Variants in ZNF445 observed in about 807,000 individuals in gnomAD.
The protein encoded by ZNF445 is zinc finger protein 445.
A neutral mutation model predicts 93.9 loss-of-function variants in ZNF445; 19 were observed. The observed-to-expected ratio is 0.20, with a 90% CI of 0.14 to 0.30. ZNF445 has a LOEUF of 0.30. Among genes scored for constraint, ZNF445 ranks in the 10% least tolerant of loss-of-function variants. ZNF445 has a pLI of 1.00. For missense variants in ZNF445, 1,058 were observed against 1,259.4 expected (o/e 0.84, Z 2.42); for synonymous variants, 449 against 446.3 (o/e 1.01, Z -0.08).
intron 7 of ZNF445, among the ~76,000 whole-genome samples, 177 bp downstream of exon 7, chr3:44,449,336 C>T (rs1235188260): frequency 6.6e-6 from 1 of 152,102 alleles, no homozygotes; most frequent in African/African-American, 2.4e-5. Flanking sequence ...AAATGAATGA[C>T]CTCTCGGAGG....
chr3:44,457,255 G>A (rs1698041300), intron 2 of ZNF445, among the ~76,000 whole-genome samples: 1 of 152,026 alleles, frequency 6.6e-6, no homozygotes, highest in African/African-American at 2.4e-5. Flanking sequence ...CCACACCTGT[G>A]ATACACCCAA....
chr3:44,444,592 G>T lies in ZNF445; in HGVS notation c.*1983C>A. 6.6e-6 allele frequency: 1 copy of T among 152,368 alleles called. No homozygotes were observed. Among genetic ancestry groups the T allele is most frequent in the Non-Finnish European group, 1.5e-5 (1 of 68,100 alleles). The allele number at this position is 152,368 out of a possible 1,614,324, so 9.4% of individuals were successfully genotyped here. Reference sequence around the variant, plus strand: ...AGTGAAGGGACATCTTCAGTGCCATGAACAGCTGCTGCCGTAGGAAGGCAA... The same window carrying T: ...AGTGAAGGGACATCTTCAGTGCCATTAACAGCTGCTGCCGTAGGAAGGCAA... On this transcript the variant is annotated 3_prime_UTR_variant, in exon 8 of 8. Transcript: ENST00000396077.
chr3:44,471,337 T>A (rs184534933), intron 1 of ZNF445, among the ~76,000 whole-genome samples: 1 of 152,210 alleles, frequency 6.6e-6, no homozygotes, highest in Non-Finnish European at 1.5e-5. Flanking sequence ...TGCCCATAAA[T>A]AGCCACTGAA....
At chr3:44,454,263 G>A (rs1177822782) in intron 3 of ZNF445, among the ~76,000 whole-genome samples, 3 of 151,582 alleles carry the variant, frequency 2.0e-5, no homozygotes, top group Middle Eastern at 3.5e-3. Flanking sequence ...CCTGCAGAGC[G>A]CTCTTCTGAG....
Position 44,473,492 on chromosome 3 carries a change from A to ACACACACACACACAC in ZNF445, c.-269+4098_-269+4099insGTGTGTGTGTGTGTG, listed in dbSNP as rs1559400839. Reference sequence around the variant, plus strand: ...ACACACACACACACACACACACACAAAAAATGCTTTCAGTATATATTTAAA... The same window carrying ACACACACACACACAC: ...ACACACACACACACACACACACACAACACACACACACACACAAAATGCTTTCAGTATATATTTAAA... On this transcript the variant is annotated intron_variant, in intron 1 of 7. Transcript: ENST00000396077. Among the ~76,000 whole-genome samples the ACACACACACACACAC allele has an allele frequency of 2.6e-3, 228 of 89,122 alleles. 3 individuals carry two copies. The highest frequency in any genetic ancestry group is 6.7e-3 in the Middle Eastern group (1 of 150). 58.5% of individuals were successfully genotyped at this position (89,122 alleles called of 152,430 possible).
At chr3:44,463,322 C>A (rs546655315) in intron 1 of ZNF445, among the ~76,000 whole-genome samples, 14 of 152,196 alleles carry the variant, frequency 9.2e-5, no homozygotes, top group African/African-American at 3.1e-4. Flanking sequence ...AGGTGTGAGC[C>A]ACTGAGCCCA....
chr3:44,470,460 G>T (rs1249384745), intron 1 of ZNF445, among the ~76,000 whole-genome samples: 2 of 152,134 alleles, frequency 1.3e-5, no homozygotes, highest in African/African-American at 4.8e-5. Flanking sequence ...ACTGGTGGTG[G>T]GGGTAGGAAG....
In ZNF445 at chr3:44,473,476, CACACACACACACACAA is replaced by C. The variant is rs1039762355; in HGVS notation, c.-269+4099_-269+4114del. 3.1e-4 allele frequency among the ~76,000 whole-genome samples: 39 copies of C among 127,144 alleles called. 1 individual carries two copies. The highest frequency in any genetic ancestry group is 9.4e-4 in the African/African-American group (35 of 37,106). The allele number at this position is 127,144 out of a possible 152,430, so 83.4% of individuals were successfully genotyped here. A position where few individuals can be genotyped will look rare whatever the true frequency, so the allele number is the denominator to read the frequency against. On this transcript the variant is annotated intron_variant, in intron 1 of 7. Transcript: ENST00000396077. ...CTTCACACACACACACACACACACACACACACACACACACAAAAAATGCTTTCAGTATATATTTAAA... is the reference window on the plus strand; with the variant it reads ...CTTCACACACACACACACACACACACAAAATGCTTTCAGTATATATTTAAA...
At chr3:44,467,890 T>C (rs1471102894) in intron 1 of ZNF445, among the ~76,000 whole-genome samples, 1 of 152,170 alleles carries the variant, frequency 6.6e-6, no homozygotes, top group Non-Finnish European at 1.5e-5. Flanking sequence ...TTAAACAAAA[T>C]TCTAAATTCT....
intron 1 of ZNF445, among the ~76,000 whole-genome samples, chr3:44,475,006 G>A (rs1431756254): frequency 6.6e-6 from 1 of 152,012 alleles, no homozygotes; most frequent in Non-Finnish European, 1.5e-5. Flanking sequence ...GCTAAGGAGG[G>A]ATAATTGTTC....
intron 3 of ZNF445, 38 bp from the exon 4 acceptor site, chr3:44,451,520 G>A (rs1198788851): frequency 6.3e-7 from 1 of 1,579,482 alleles, no homozygotes; most frequent in Non-Finnish European, 8.7e-7. Context: ...ATCTTTCTGG[G>A]AATCAGAAAG....
In ZNF445 at chr3:44,446,755, G is replaced by A; in HGVS notation, c.2916C>T (p.Ser972=). 6.2e-7 allele frequency: 1 copy of A among 1,614,172 alleles called. No individual in the cohort carries two copies. The highest frequency in any genetic ancestry group is 8.5e-7 in the Non-Finnish European group (1 of 1,180,036). ...TGCATTTGTGGCACTTTTTCCCAATGCTTATGTCCTGGAGTCCAGTGAGCC... is the reference window on the plus strand; with the variant it reads ...TGCATTTGTGGCACTTTTTCCCAATACTTATGTCCTGGAGTCCAGTGAGCC... ...SSRLTGLQDI[S]IGKKCHKCSI... Residue 972 remains serine, a synonymous_variant, in exon 8 of 8, where the codon AGC becomes AGT. Coordinates refer to ENST00000396077, the MANE Select transcript of ZNF445 (RefSeq NM_181489.6). The surrounding 1 kb of genome is among the most constrained non-coding windows in gnomAD (Gnocchi z 4.2).
chr3:44,466,486 T>C (rs993292657), intron 1 of ZNF445, among the ~76,000 whole-genome samples: 1 of 152,240 alleles, frequency 6.6e-6, no homozygotes, highest in Non-Finnish European at 1.5e-5. Flanking sequence ...TATGAAATTA[T>C]GTAAAACCCT....
At chr3:44,450,185 C>A in intron 6 of ZNF445, 1 of 457,650 alleles carries the variant, frequency 2.2e-6, no homozygotes, top group African/African-American at 2.0e-5. Context: ...GCAATCTTCC[C>A]ACCTGGGCCT....
chr3:44,464,178 T>C (rs948908523), intron 1 of ZNF445, among the ~76,000 whole-genome samples: 1 of 152,124 alleles, frequency 6.6e-6, no homozygotes, highest in Non-Finnish European at 1.5e-5. Context: ...TGCACTGTCT[T>C]CTCCTGTAGT....
At position 44,446,392 on chromosome 3, in the gene ZNF445, G is replaced by T; in HGVS notation, c.*183C>A. ...AAGGACATGGTGCTGCACTTCCCCA[G>T]CGTCACATCCTAGCAGGCAGGCTGG... On this transcript the variant is annotated 3_prime_UTR_variant, in exon 8 of 8. Coordinates refer to ENST00000396077, the MANE Select transcript of ZNF445 (RefSeq NM_181489.6). The surrounding 1 kb of genome is among the most constrained non-coding windows in gnomAD (Gnocchi z 4.2). 2.5e-6 allele frequency: 2 copies of T among 813,070 alleles called. No individual in the cohort carries two copies. Among genetic ancestry groups the T allele is most frequent in the Non-Finnish European group, 3.8e-6 (2 of 531,588 alleles). 50.4% of individuals were successfully genotyped at this position (813,070 alleles called of 1,614,324 possible). A position where few individuals can be genotyped will look rare whatever the true frequency, so the allele number is the denominator to read the frequency against.
At chr3:44,464,310 G>A (rs999149994) in intron 1 of ZNF445, among the ~76,000 whole-genome samples, 2 of 152,058 alleles carry the variant, frequency 1.3e-5, no homozygotes, top group South Asian at 2.1e-4. Context: ...ATGCTTTCCT[G>A]GCCCTGTTCC....
At chr3:44,477,467 G>A (rs1698383476) in intron 1 of ZNF445, 124 bp downstream of exon 1, 1 of 151,712 alleles carries the variant, frequency 6.6e-6, no homozygotes, top group Non-Finnish European at 1.5e-5. Flanking sequence ...CCCCCGCCAC[G>A]GGCGCAGCCT....
At chr3:44,475,679 TA>T (rs1698338596) in intron 1 of ZNF445, among the ~76,000 whole-genome samples, 1 of 152,232 alleles carries the variant, frequency 6.6e-6, no homozygotes, top group African/African-American at 2.4e-5. Context: ...CGTGGTATGC[TA>T]AACAGTGACA....
Sources: allele counts gnomAD v4.1 joint callset (sites outside exome capture counted in the v4.1 genomes callset), GRCh38; gene constraint gnomAD v4.1.1; non-coding constraint Gnocchi (gnomAD v3.1); transcripts MANE v1.5; gene names NCBI Gene and HGNC (gene_info 2026-07-23, HGNC 2026-07-21).